Variants in TXLNB observed in about 807,000 individuals in gnomAD.
TXLNB encodes the protein taxilin beta, also known as beta-taxilin.
Under a neutral mutation model 57.4 loss-of-function variants are expected in TXLNB, and 37 were observed. The observed-to-expected ratio is 0.64, with a 90% CI of 0.50 to 0.85. TXLNB has a LOEUF of 0.85. Among genes scored for constraint, TXLNB ranks in the 40% least tolerant of loss-of-function variants. The pLI is 0.00. For missense variants in TXLNB, 848 were observed against 825.6 expected, an observed-to-expected ratio of 1.03 and a Z score of -0.33; for synonymous variants, 302 against 309.6, an observed-to-expected ratio of 0.98 and a Z score of 0.26.
chr6:139,270,367 C>A (rs952672763), intron 4 of TXLNB, 89 bp downstream of exon 4: 2 of 1,307,504 alleles, frequency 1.5e-6, no homozygotes, highest in Non-Finnish European at 2.1e-6. Context: ...CTCTCTGATT[C>A]TAAAATTCAC....
At chr6:139,320,770 C>T in the TXLNB span, among the ~76,000 whole-genome samples, 1 of 152,124 alleles carries the variant, frequency 6.6e-6, no homozygotes, top group African/African-American at 2.4e-5. Context: ...AGACATGATT[C>T]TCACTCAACA....
intron 7 of TXLNB, among the ~76,000 whole-genome samples, chr6:139,254,453 TG>T (rs1776284759): frequency 6.6e-6 from 1 of 152,178 alleles, no homozygotes; most frequent in Non-Finnish European, 1.5e-5. Context: ...TTTCTCCCTG[TG>T]ACCTCACAGT....
chr6:139,297,197 A>C, the TXLNB span, among the ~76,000 whole-genome samples: 11 of 152,288 alleles, frequency 7.2e-5, no homozygotes, highest in East Asian at 1.9e-3. Context: ...CCCTAACATT[A>C]GAGCTTCCCT....
At chr6:139,234,579 T>TG in the TXLNB span, 1 of 152,244 alleles carries the variant, frequency 6.6e-6, no homozygotes, top group African/African-American at 2.4e-5. Flanking sequence ...GGCCTGTGGG[T>TG]GCACAGAAGT....
intron 6 of TXLNB, among the ~76,000 whole-genome samples, chr6:139,256,119 G>T (rs1776330640): frequency 6.6e-6 from 1 of 151,698 alleles, no homozygotes; most frequent in Admixed American, 6.6e-5. Context: ...GAAAATAATT[G>T]GTCTAAAAAA....
chr6:139,266,803 A>T (rs1473862987), intron 4 of TXLNB, among the ~76,000 whole-genome samples: 1 of 152,102 alleles, frequency 6.6e-6, no homozygotes, highest in Non-Finnish European at 1.5e-5. Flanking sequence ...CCTGGCCTTA[A>T]AGCAGTAAAA....
At chr6:139,172,631 G>A in the TXLNB span, among the ~76,000 whole-genome samples, 1 of 152,104 alleles carries the variant, frequency 6.6e-6, no homozygotes, top group Non-Finnish European at 1.5e-5. Context: ...AATTCTCTGT[G>A]GTCAGGACAA....
the TXLNB span, among the ~76,000 whole-genome samples, chr6:139,174,219 T>C: frequency 6.6e-6 from 1 of 152,250 alleles, no homozygotes. Context: ...AATTCATCAT[T>C]ATCCTGAAAG....
the TXLNB span, among the ~76,000 whole-genome samples, chr6:139,198,085 C>T: frequency 6.6e-6 from 1 of 151,968 alleles, no homozygotes; most frequent in Non-Finnish European, 1.5e-5. Context: ...GCAGCATAAA[C>T]AAACAAACAA....
chr6:139,226,302 CAAAAA>C, the TXLNB span, among the ~76,000 whole-genome samples: 188 of 39,228 alleles, frequency 4.8e-3, no homozygotes, highest in African/African-American at 0.019. Flanking sequence ...GACCCTGTCT[CAAAAA>C]AAAAAAAAAA....
chr6:139,225,022 A>T, the TXLNB span, among the ~76,000 whole-genome samples: 1 of 152,178 alleles, frequency 6.6e-6, no homozygotes, highest in East Asian at 1.9e-4. Flanking sequence ...AAAAATGTAA[A>T]GTTAGCTTGA....
chr6:139,280,269 A>G (rs1283499626), intron 2 of TXLNB, among the ~76,000 whole-genome samples: 3 of 151,498 alleles, frequency 2.0e-5, no homozygotes, highest in Non-Finnish European at 2.9e-5. Context: ...AAAAAAAAAA[A>G]AAAAAAGAAA....
chr6:139,257,129 G>T (rs936523775), intron 6 of TXLNB, among the ~76,000 whole-genome samples: 4 of 152,146 alleles, frequency 2.6e-5, no homozygotes, highest in South Asian at 2.1e-4. Context: ...TTTTTGTTTG[G>T]TTTTTATTAT....
rs558622170 is a variant in TXLNB, at chr6:139,284,267, C to A, written c.424+4209G>T. 2.9e-3 allele frequency among the ~76,000 whole-genome samples: 426 copies of A among 145,290 alleles called. 46 individuals carry two copies. The highest frequency in any genetic ancestry group is 8.9e-3 in the African/African-American group (350 of 39,498). On this transcript the variant is annotated intron_variant, in intron 2 of 9. Coordinates refer to ENST00000358430, the MANE Select transcript of TXLNB (RefSeq NM_153235.4). ...ATTGTGGGCCGGGTGCGGTGGCTCA[C>A]GGCTGTAATCCCAGCACTTTGGGAG... is the stretch of plus-strand genomic sequence containing the variant.
At chr6:139,201,957 C>T in the TXLNB span, among the ~76,000 whole-genome samples, 6 of 152,208 alleles carry the variant, frequency 3.9e-5, no homozygotes, top group South Asian at 2.1e-4. Context: ...TAGCATGCTA[C>T]GGCCAGTCAC....
At chr6:139,169,006 T>C in the TXLNB span, among the ~76,000 whole-genome samples, 1 of 152,232 alleles carries the variant, frequency 6.6e-6, no homozygotes, top group African/African-American at 2.4e-5. Flanking sequence ...TTTCTTCATA[T>C]ATCCCTAATG....
Position 139,288,829 on chromosome 6 carries a change from A to G in TXLNB, c.71T>C (p.Leu24Ser). The part of the protein sequence containing the change: ...QSTPPGDSSS[L>S]PSHNGLEKED... ...CTTCTCCAGGCCATTGTGACTGGGT[A>G]ATGATGAACTGTCACCTGGAGGTGT... The change falls in exon 2 of 10, where the codon TTA (leucine) becomes TCA (serine). Residue 24 changes from leucine (L) to serine (S), a missense_variant. Transcript: ENST00000358430. 6.2e-7 allele frequency: 1 copy of G among 1,614,134 alleles called. No homozygotes were observed. Among genetic ancestry groups the G allele is most frequent in the Non-Finnish European group, 8.5e-7 (1 of 1,180,020 alleles).
chr6:139,315,771 G>T, the TXLNB span, among the ~76,000 whole-genome samples: 1 of 152,146 alleles, frequency 6.6e-6, no homozygotes, highest in Non-Finnish European at 1.5e-5. Flanking sequence ...AATAATTTAT[G>T]CTGAGATGAA....
the TXLNB span, among the ~76,000 whole-genome samples, chr6:139,168,515 A>AT: frequency 6.7e-6 from 1 of 148,462 alleles, no homozygotes; most frequent in Non-Finnish European, 1.5e-5. Context: ...TACCTGTCAG[A>AT]TTTTTTTTGG....
Sources: allele counts gnomAD v4.1 joint callset (sites outside exome capture counted in the v4.1 genomes callset), GRCh38; gene constraint gnomAD v4.1.1; transcripts MANE v1.5; gene names NCBI Gene and HGNC (gene_info 2026-07-23, HGNC 2026-07-21).